Variants in NFATC2 observed in about 807,000 individuals in gnomAD.
The protein encoded by NFATC2 is nuclear factor of activated T-cells, cytoplasmic 2.
NFATC2 carries 22 observed loss-of-function variants against 87.3 expected under a neutral mutation model. The observed-to-expected ratio is 0.25, with a 90% CI of 0.18 to 0.36. The LOEUF (loss-of-function observed/expected upper bound fraction) is 0.36. Ranked by LOEUF, NFATC2 falls within the 10% of genes least tolerant of loss-of-function variation. The probability of loss-of-function intolerance (pLI) is 1.00; values close to 1 mark genes in which losing one functional copy is unlikely to be tolerated. For missense variants in NFATC2, 1,149 were observed against 1,259.1 expected (o/e 0.91, Z 1.32); for synonymous variants, 565 against 542.2 (o/e 1.04, Z -0.58).
At position 51,447,801 on chromosome 20, in the gene NFATC2, G is replaced by T. The variant is rs77108341; in HGVS notation, c.1849+6747C>A. Among the ~76,000 whole-genome samples the T allele has an allele frequency of 8.1e-3, 1,241 of 152,332 alleles. 21 individuals carry two copies. Among genetic ancestry groups the T allele is most frequent in the African/African-American group, 0.028 (1,176 of 41,570 alleles). On this transcript the variant is annotated intron_variant, in intron 6 of 10. Coordinates refer to ENST00000371564, the MANE Select transcript of NFATC2 (RefSeq NM_012340.5). Reference sequence around the variant, plus strand: ...ATTACTGAGAATGATAAATAGGAAAGACCCTGATTGTTCTGTTTGGTTTCT... The same window carrying T: ...ATTACTGAGAATGATAAATAGGAAATACCCTGATTGTTCTGTTTGGTTTCT...
chr20:51,417,699 C>T (rs1980238846), intron 9 of NFATC2, among the ~76,000 whole-genome samples: 1 of 152,228 alleles, frequency 6.6e-6, no homozygotes, highest in Non-Finnish European at 1.5e-5. Flanking sequence ...GCAAGCTCTG[C>T]CAGCAGGGAG....
intron 4 of NFATC2, among the ~76,000 whole-genome samples, chr20:51,474,540 T>A (rs529932829): frequency 2.8e-4 from 42 of 152,284 alleles, no homozygotes; most frequent in African/African-American, 9.9e-4. Context: ...AGGAAATGCA[T>A]CCTGAAGTAT....
Position 51,519,166 on chromosome 20 carries a change from T to C in NFATC2, c.1161-2211A>G, listed in dbSNP as rs971823060. Among the ~76,000 whole-genome samples the C allele has an allele frequency of 2.6e-5, 4 of 152,222 alleles. No homozygotes were observed. The East Asian group carries it at 5.8e-4, about 22-fold the overall frequency. On this transcript the variant is annotated intron_variant, in intron 2 of 10. Transcript: ENST00000371564. ...CCATATCATATACACAAGTGAAAAGTTTTTAAAGGTTTACAAACTATGACT... is the reference window on the plus strand; with the variant it reads ...CCATATCATATACACAAGTGAAAAGCTTTTAAAGGTTTACAAACTATGACT...
Position 51,390,289 on chromosome 20 carries a change from C to T in NFATC2, c.*1207G>A, listed in dbSNP as rs1182679529. ...AATTAACCAGTGAAGCTGGGAAGCA[C>T]ATCCTGAGCTCGGCTGTCCCACTTA... On this transcript the variant is annotated 3_prime_UTR_variant, in exon 11 of 11. Transcript: ENST00000371564. 6.6e-6 allele frequency: 1 copy of T among 152,244 alleles called. No homozygotes were observed. Among genetic ancestry groups the T allele is most frequent in the Non-Finnish European group, 1.5e-5 (1 of 68,050 alleles). 9.4% of individuals were successfully genotyped at this position (152,244 alleles called of 1,614,324 possible). A position where few individuals can be genotyped will look rare whatever the true frequency, so the allele number is the denominator to read the frequency against.
intron 3 of NFATC2, among the ~76,000 whole-genome samples, chr20:51,504,108 C>T (rs1393015885): frequency 4.6e-5 from 7 of 151,466 alleles, no homozygotes; most frequent in African/African-American, 1.5e-4. Context: ...CTGCAACCTC[C>T]GCCTCCCGGG....
chr20:51,395,075 T>A (rs1484679874), intron 10 of NFATC2, among the ~76,000 whole-genome samples: 1 of 152,196 alleles, frequency 6.6e-6, no homozygotes, highest in Admixed American at 6.5e-5. Context: ...GACAAATGGG[T>A]TGCTGATCTG....
chr20:51,476,916 A>C (rs923876462), intron 3 of NFATC2, among the ~76,000 whole-genome samples: 1 of 152,168 alleles, frequency 6.6e-6, no homozygotes, highest in African/African-American at 2.4e-5. Context: ...ATTGTGGGGG[A>C]ACAGGCACTT....
chr20:51,530,500 A>C (rs567158055), intron 1 of NFATC2, among the ~76,000 whole-genome samples: 1 of 152,190 alleles, frequency 6.6e-6, no homozygotes, highest in Non-Finnish European at 1.5e-5. Context: ...TAGTTCAAAG[A>C]GAAAATAGCG....
At chr20:51,444,406 T>C (rs1451172939) in intron 6 of NFATC2, among the ~76,000 whole-genome samples, 3 of 151,778 alleles carry the variant, frequency 2.0e-5, no homozygotes, top group Admixed American at 6.6e-5. Context: ...TATACTTTCG[T>C]TGGTTTCCTG....
chr20:51,487,515 A>G (rs1989815263), intron 3 of NFATC2, among the ~76,000 whole-genome samples: 1 of 152,302 alleles, frequency 6.6e-6, no homozygotes, highest in Admixed American at 6.5e-5. Context: ...AAAAACAAAA[A>G]CATTCCCAGG....
intron 5 of NFATC2, among the ~76,000 whole-genome samples, chr20:51,472,489 G>GA (rs920397231): frequency 2.0e-5 from 3 of 150,928 alleles, no homozygotes; most frequent in East Asian, 1.9e-4. Context: ...CAGCAAAAAG[G>GA]AAAAAAAATC....
At chr20:51,557,991 C>T (rs746788482) in intron 1 of NFATC2, among the ~76,000 whole-genome samples, 27 of 152,306 alleles carry the variant, frequency 1.8e-4, no homozygotes, top group Non-Finnish European at 3.2e-4. Context: ...GAGGAGGCCT[C>T]CCATCCAGGC....
chr20:51,458,534 C>T (rs1005564949), intron 5 of NFATC2, among the ~76,000 whole-genome samples: 3 of 151,622 alleles, frequency 2.0e-5, no homozygotes, highest in Non-Finnish European at 4.4e-5. Flanking sequence ...TGCGGTGGCT[C>T]ACGCCTGTAA....
chr20:51,387,610 T>C lies in NFATC2; in HGVS notation c.*3886A>G, dbSNP rs1199308729. 1 of 152,230 alleles carries C rather than the reference T, an allele frequency of 6.6e-6. No homozygotes were observed. The highest frequency in any genetic ancestry group is 1.5e-5 in the Non-Finnish European group (1 of 68,044). 9.4% of individuals were successfully genotyped at this position (152,230 alleles called of 1,614,324 possible). On this transcript the variant is annotated 3_prime_UTR_variant, in exon 11 of 11. Transcript: ENST00000371564. ...TGCTGCTTTTTCTTAAGCATTTAAT[T>C]GGAATGCAGGAAAATACTTGCTATG...
chr20:51,395,082 T>C (rs1205862586), intron 10 of NFATC2, among the ~76,000 whole-genome samples: 1 of 152,222 alleles, frequency 6.6e-6, no homozygotes, highest in African/African-American at 2.4e-5. Context: ...GGGTTGCTGA[T>C]CTGTTACTTG....
intron 9 of NFATC2, among the ~76,000 whole-genome samples, chr20:51,430,907 G>T (rs570432551): frequency 1.3e-5 from 2 of 152,114 alleles, no homozygotes; most frequent in Admixed American, 1.3e-4. Context: ...TATATCAGAC[G>T]CTACTGCCTA....
Position 51,519,903 on chromosome 20 carries a change from G to A in NFATC2, c.1161-2948C>T, listed in dbSNP as rs186011243. Among the ~76,000 whole-genome samples, 1,366 of 148,202 alleles carry A rather than the reference G, an allele frequency of 9.2e-3. 23 individuals carry two copies. The highest frequency in any genetic ancestry group is 0.033 in the African/African-American group (1,292 of 39,580). On this transcript the variant is annotated intron_variant, in intron 2 of 10. Coordinates refer to ENST00000371564, the MANE Select transcript of NFATC2 (RefSeq NM_012340.5). ...TGTATTCTAGCCTGGGTGACAGAGC[G>A]AGACTCCATCTAAAAAAAAAAAAAA...
upstream of NFATC2, among the ~76,000 whole-genome samples, chr20:51,545,998 C>T (rs535442193): frequency 3.9e-5 from 6 of 152,290 alleles, no homozygotes; most frequent in South Asian, 2.1e-4. Context: ...CACCCTGAGG[C>T]TTACCCTGGC....
At chr20:51,449,706 T>C (rs971514929) in intron 6 of NFATC2, among the ~76,000 whole-genome samples, 2 of 152,114 alleles carry the variant, frequency 1.3e-5, no homozygotes, top group African/African-American at 4.8e-5. Flanking sequence ...CTGCCTGAGG[T>C]CATCCCACCA....
Sources: allele counts gnomAD v4.1 joint callset (sites outside exome capture counted in the v4.1 genomes callset), GRCh38; gene constraint gnomAD v4.1.1; transcripts MANE v1.5; gene names NCBI Gene and HGNC (gene_info 2026-07-23, HGNC 2026-07-21).